The following SFXN5 variants were observed in gnomAD, a reference collection of about 807,000 sequenced individuals.
SFXN5 encodes the protein sideroflexin 5.
SFXN5 carries 43 observed loss-of-function variants against 50.2 expected under a neutral mutation model. That is an observed-to-expected ratio of 0.86 (90% CI 0.67 to 1.11). The LOEUF is 1.11. SFXN5 is among the 50% of genes least tolerant of loss of function. The pLI is 0.00. For missense variants in SFXN5, 463 were observed against 454.1 expected (o/e 1.02, Z -0.18); for synonymous variants, 203 against 185.8 (o/e 1.09, Z -0.75).
At chr2:73,071,503 C>CG in intron 1 of SFXN5, 101 bp downstream of exon 1, 1 of 1,108,392 alleles carries the variant, frequency 9.0e-7, no homozygotes, top group African/African-American at 1.6e-5. Context: ...GCTCCGCTGG[C>CG]CGCGGGTGGG....
Position 72,945,167 on chromosome 2 carries a change from C to G in SFXN5, c.946-68G>C. The G allele has an allele frequency of 7.0e-7, 1 of 1,433,116 alleles. No homozygotes were observed. The highest frequency in any genetic ancestry group is 1.8e-5 in the Admixed American group (1 of 55,674). 88.8% of individuals were successfully genotyped at this position (1,433,116 alleles called of 1,614,324 possible). A position where few individuals can be genotyped will look rare whatever the true frequency, so the allele number is the denominator to read the frequency against. On this transcript the variant is annotated intron_variant, in intron 13 of 13. Coordinates refer to ENST00000272433, the MANE Select transcript of SFXN5 (RefSeq NM_144579.3). This position sits in a 1 kb window ranked among gnomAD's most constrained non-coding sequence, Gnocchi z 5.8. ...GGGCAAATAGTGGGGCTGGGAGCTG[C>G]AGTGAGGACCACCCTGGGCCCCAGA...
chr2:73,000,048 T>C (rs375540103), intron 8 of SFXN5, among the ~76,000 whole-genome samples: 1 of 152,154 alleles, frequency 6.6e-6, no homozygotes, highest in Non-Finnish European at 1.5e-5. Flanking sequence ...TCCAGAAATT[T>C]TGGAGGAAGC....
chr2:73,000,840 C>G (rs367714599), intron 7 of SFXN5, among the ~76,000 whole-genome samples: 1 of 152,184 alleles, frequency 6.6e-6, no homozygotes, highest in African/African-American at 2.4e-5. Context: ...ATATTACCTG[C>G]TGGACAAAAG....
intron 13 of SFXN5, among the ~76,000 whole-genome samples, chr2:72,958,380 C>T (rs1673337804): frequency 6.6e-6 from 1 of 152,204 alleles, no homozygotes; most frequent in African/African-American, 2.4e-5. Flanking sequence ...CTGACTTCTG[C>T]AACCTTGGGC....
chr2:72,988,834 C>T (rs890553567), intron 9 of SFXN5, among the ~76,000 whole-genome samples: 3 of 152,146 alleles, frequency 2.0e-5, no homozygotes, highest in African/African-American at 7.2e-5. Flanking sequence ...GACAGGGAGA[C>T]CCCGACACCT....
At chr2:72,957,282 C>T (rs960102230) in intron 13 of SFXN5, among the ~76,000 whole-genome samples, 8 of 152,222 alleles carry the variant, frequency 5.3e-5, no homozygotes, top group Non-Finnish European at 1.2e-4. Flanking sequence ...GTACACCGAG[C>T]TCCCAGCATG....
chr2:73,034,333 G>A (rs1439753338), intron 3 of SFXN5, among the ~76,000 whole-genome samples: 2 of 152,280 alleles, frequency 1.3e-5, no homozygotes, highest in Middle Eastern at 3.4e-3. Context: ...CCTTCCCTTC[G>A]GCATCTGACA....
chr2:73,033,662 T>C lies in SFXN5; in HGVS notation c.249+7192A>G, dbSNP rs552619321. 2.0e-5 allele frequency among the ~76,000 whole-genome samples: 3 copies of C among 152,340 alleles called. No homozygotes were observed. In the South Asian group the frequency reaches 6.2e-4, roughly 32 times the overall value. On this transcript the variant is annotated intron_variant, in intron 3 of 13. Transcript: ENST00000272433. ...GAGACAGCAAGGAGACCAGTGTGAC[T>C]GCAGTGGACCAAATAGGGGAGAGCA...
At chr2:72,969,467 T>C (rs2105443552) in intron 11 of SFXN5, among the ~76,000 whole-genome samples, 1 of 152,248 alleles carries the variant, frequency 6.6e-6, no homozygotes, top group East Asian at 1.9e-4. Context: ...TGATCTCAGC[T>C]CACTGCAACC....
At chr2:72,957,204 C>T in intron 13 of SFXN5, 2 of 392,768 alleles carry the variant, frequency 5.1e-6, no homozygotes, top group South Asian at 3.7e-5. Context: ...ATCTGACTGT[C>T]TAGGAATCAT....
At chr2:73,039,205 G>T (rs1355682471) in intron 3 of SFXN5, among the ~76,000 whole-genome samples, 1 of 152,230 alleles carries the variant, frequency 6.6e-6, no homozygotes, top group East Asian at 1.9e-4. Context: ...TGGGATTACA[G>T]GCATGAGCCA....
At chr2:73,019,826 A>C (rs1486184497) in intron 6 of SFXN5, 4 of 175,946 alleles carry the variant, frequency 2.3e-5, no homozygotes, top group African/African-American at 7.2e-5. Context: ...GAGTAAACAT[A>C]ATCCTGATTC....
intron 1 of SFXN5, among the ~76,000 whole-genome samples, chr2:73,061,924 T>C (rs974280499): frequency 1.3e-5 from 2 of 152,088 alleles, no homozygotes; most frequent in African/African-American, 4.8e-5. Flanking sequence ...GAGATCAGCC[T>C]GGGCAACACA....
rs757151028 is a variant in SFXN5 at position 72,948,504 on chromosome 2, A to G, written c.946-3405T>C. ...ATGTAGCATATTTTATTTTAGTGCC[A>G]TTATTAGCAACTTCCCATGCCGGCT... On this transcript the variant is annotated intron_variant, in intron 13 of 13. Coordinates refer to ENST00000272433, the MANE Select transcript of SFXN5 (RefSeq NM_144579.3). Among the ~76,000 whole-genome samples the G allele has an allele frequency of 9.8e-4, 150 of 152,354 alleles. 1 individual carries two copies. The highest frequency in any genetic ancestry group is 5.6e-3 in the Admixed American group (85 of 15,302).
At chr2:73,053,062 A>G (rs1324994385) in intron 2 of SFXN5, among the ~76,000 whole-genome samples, 3 of 152,160 alleles carry the variant, frequency 2.0e-5, no homozygotes, top group Non-Finnish European at 4.4e-5. Flanking sequence ...TTGTAGTCCC[A>G]GCTACTCAGG....
chr2:72,969,495 A>G (rs879464709), intron 11 of SFXN5, among the ~76,000 whole-genome samples: 3 of 152,024 alleles, frequency 2.0e-5, no homozygotes, highest in Non-Finnish European at 4.4e-5. Flanking sequence ...CCTGGGTTCA[A>G]GCAATTCTCC....
chr2:73,060,528 C>T (rs949224728), intron 1 of SFXN5, among the ~76,000 whole-genome samples: 2 of 151,964 alleles, frequency 1.3e-5, no homozygotes, highest in Non-Finnish European at 2.9e-5. Flanking sequence ...CAACTAGATG[C>T]ACTGTGTAAC....
chr2:73,006,584 T>C (rs1288550597), intron 6 of SFXN5, among the ~76,000 whole-genome samples: 2 of 150,990 alleles, frequency 1.3e-5, no homozygotes, highest in Non-Finnish European at 2.9e-5. Context: ...ATCACACCAC[T>C]GCACTCCAGC....
intron 3 of SFXN5, among the ~76,000 whole-genome samples, chr2:73,030,003 CA>C (rs1678093705): frequency 6.6e-6 from 1 of 152,124 alleles, no homozygotes; most frequent in Non-Finnish European, 1.5e-5. Flanking sequence ...GCCCAGGAAG[CA>C]GAGGCTGCAG....
Sources: allele counts gnomAD v4.1 joint callset (sites outside exome capture counted in the v4.1 genomes callset), GRCh38; gene constraint gnomAD v4.1.1; non-coding constraint Gnocchi (gnomAD v3.1); transcripts MANE v1.5; gene names NCBI Gene and HGNC (gene_info 2026-07-23, HGNC 2026-07-21).